The following MAGI3 variants were observed in gnomAD, a reference collection of about 807,000 sequenced individuals.
The protein encoded by MAGI3 is membrane associated guanylate kinase, WW and PDZ domain containing 3, also known as membrane-associated guanylate kinase, WW and PDZ domain-containing protein 3.
A neutral mutation model predicts 121.8 loss-of-function variants in MAGI3; 43 were observed. That is an observed-to-expected ratio of 0.35 (90% CI 0.28 to 0.46). The LOEUF is 0.46. Among genes scored for constraint, MAGI3 ranks in the 20% least tolerant of loss-of-function variants. MAGI3 has a pLI of 1.00. For missense variants in MAGI3, 1,547 were observed against 1,797.3 expected (o/e 0.86, Z 2.52); for synonymous variants, 553 against 639.3 (o/e 0.86, Z 2.04).
intron 1 of MAGI3, among the ~76,000 whole-genome samples, chr1:113,436,684 C>A (rs1653580592): frequency 6.6e-6 from 1 of 151,154 alleles, no homozygotes; most frequent in South Asian, 2.1e-4. Flanking sequence ...GAATAAACAT[C>A]ATTTTTTTTT....
chr1:113,495,850 C>A (rs912892151), intron 1 of MAGI3, among the ~76,000 whole-genome samples: 3 of 152,334 alleles, frequency 2.0e-5, no homozygotes, highest in East Asian at 3.9e-4. Flanking sequence ...AGAAGCACAA[C>A]AGCTCAGCTA....
chr1:113,434,659 T>C (rs1032525332), intron 1 of MAGI3, among the ~76,000 whole-genome samples: 1 of 152,304 alleles, frequency 6.6e-6, no homozygotes, highest in South Asian at 2.1e-4. Flanking sequence ...CTGGTTAATG[T>C]TGAATTGTGA....
chr1:113,507,415 GA>G, intron 1 of MAGI3, among the ~76,000 whole-genome samples: 1 of 152,216 alleles, frequency 6.6e-6, no homozygotes, highest in Middle Eastern at 3.4e-3. Flanking sequence ...ACATGGTATT[GA>G]AAAACGGTAA....
intron 1 of MAGI3, among the ~76,000 whole-genome samples, chr1:113,439,791 G>A (rs1653821391): frequency 6.6e-6 from 1 of 152,114 alleles, no homozygotes; most frequent in Admixed American, 6.5e-5. Context: ...ATCATAATTA[G>A]TATATATTTT....
At chr1:113,617,963 T>A (rs944614245) in intron 7 of MAGI3, among the ~76,000 whole-genome samples, 5 of 152,196 alleles carry the variant, frequency 3.3e-5, no homozygotes, top group African/African-American at 1.2e-4. Flanking sequence ...AACTATTTAA[T>A]AAGTAACTAC....
chr1:113,402,700 C>T (rs569995799), intron 1 of MAGI3, among the ~76,000 whole-genome samples: 9 of 151,990 alleles, frequency 5.9e-5, no homozygotes, highest in Non-Finnish European at 1.3e-4. Flanking sequence ...GGGAGATGAA[C>T]TGTCAAGGAT....
intron 1 of MAGI3, among the ~76,000 whole-genome samples, chr1:113,507,468 C>T (rs767365441): frequency 2.6e-5 from 4 of 152,098 alleles, no homozygotes; most frequent in Non-Finnish European, 5.9e-5. Flanking sequence ...AAAATTTTGG[C>T]GTCTGTAAAT....
At chr1:113,579,602 G>GC (rs1647878708) in intron 2 of MAGI3, among the ~76,000 whole-genome samples, 1 of 152,158 alleles carries the variant, frequency 6.6e-6, no homozygotes, top group Non-Finnish European at 1.5e-5. Flanking sequence ...GTCACTGACT[G>GC]CAGTGACTAG....
chr1:113,412,119 A>G (rs755788014), intron 1 of MAGI3, among the ~76,000 whole-genome samples: 4 of 146,958 alleles, frequency 2.7e-5, no homozygotes, highest in Non-Finnish European at 5.9e-5. Flanking sequence ...GAGAACATGC[A>G]GTGTTTGGTT....
In MAGI3 at chr1:113,640,999, T is replaced by TATATATAATATATATGATATATG. The variant is rs1557868739; in HGVS notation, c.1361-890_1361-889insGATATATAATATATATGATATAT. Among the ~76,000 whole-genome samples, 5 of 59,312 alleles carry TATATATAATATATATGATATATG rather than the reference T, an allele frequency of 8.4e-5. 1 individual carries two copies. The highest frequency in any genetic ancestry group is 2.3e-4 in the East Asian group (1 of 4,278). The allele number at this position is 59,312 out of a possible 152,430, so 38.9% of individuals were successfully genotyped here. A position where few individuals can be genotyped will look rare whatever the true frequency, so the allele number is the denominator to read the frequency against. Reference sequence around the variant, plus strand: ...TATAATATATATACACTATATATGATATATATAATATATATGATATATAAT... The same window carrying TATATATAATATATATGATATATG: ...TATAATATATATACACTATATATGATATATATAATATATATGATATATGATATATAATATATATGATATATAAT... On this transcript the variant is annotated intron_variant, in intron 9 of 20. Coordinates refer to ENST00000307546, the MANE Select transcript of MAGI3 (RefSeq NM_001142782.2).
intron 1 of MAGI3, among the ~76,000 whole-genome samples, chr1:113,471,879 A>G (rs1027876778): frequency 2.0e-5 from 3 of 152,172 alleles, no homozygotes; most frequent in African/African-American, 7.2e-5. Flanking sequence ...CTTCATGACT[A>G]TATTGCATTG....
Position 113,659,252 on chromosome 1 carries a change from C to T in MAGI3, c.2802C>T (p.Val934=). Residue 934 remains valine (V), a synonymous_variant, in exon 16 of 21, where the codon GTC becomes GTT. Coordinates refer to ENST00000307546, the MANE Select transcript of MAGI3 (RefSeq NM_001142782.2). Reference sequence around the variant, plus strand: ...CTGGTGTCACCGTCACACTAACGGTCATTGCTGAAGAAGGTAAGGAGCCAG... The same window carrying T: ...CTGGTGTCACCGTCACACTAACGGTTATTGCTGAAGAAGGTAAGGAGCCAG... ...KDAGVTVTLT[V]IAEEEHHGPP... The T allele has an allele frequency of 6.2e-7, 1 of 1,613,402 alleles. No homozygotes were observed.
At chr1:113,642,840 C>T in intron 10 of MAGI3, among the ~76,000 whole-genome samples, 1 of 152,170 alleles carries the variant, frequency 6.6e-6, no homozygotes, top group East Asian at 1.9e-4. Flanking sequence ...AATTTCATTT[C>T]TCTGTTGATG....
chr1:113,651,801 T>C (rs960774342), intron 14 of MAGI3, among the ~76,000 whole-genome samples: 2 of 152,202 alleles, frequency 1.3e-5, no homozygotes, highest in East Asian at 1.9e-4. Flanking sequence ...TAAATTTGTT[T>C]TGTTTTTTTT....
rs1023387379 is a variant in MAGI3, at chr1:113,516,402, A to T, written c.317-33113A>T. On this transcript the variant is annotated intron_variant, in intron 1 of 20. Coordinates refer to ENST00000307546, the MANE Select transcript of MAGI3 (RefSeq NM_001142782.2). Reference sequence around the variant, plus strand: ...AAGGAAGTTCTCACAAAAAAAAAAAAAAAAAAAAAAAAGACAAAAATCCCC... The same window carrying T: ...AAGGAAGTTCTCACAAAAAAAAAAATAAAAAAAAAAAAGACAAAAATCCCC... Among the ~76,000 whole-genome samples the T allele has an allele frequency of 2.1e-3, 322 of 150,706 alleles. 2 individuals are homozygous for T. Among genetic ancestry groups the T allele is most frequent in the African/African-American group, 7.5e-3 (308 of 41,296 alleles).
chr1:113,650,981 T>G (rs757849872), intron 13 of MAGI3, 33 bp from the exon 14 acceptor site: 16 of 1,589,916 alleles, frequency 1.0e-5, no homozygotes, highest in Non-Finnish European at 1.2e-5. Flanking sequence ...AACTTTACAC[T>G]GTGGACCAAA....
rs539237054 is a variant in MAGI3, at chr1:113,422,400, T to C, written c.316+31051T>C. On this transcript the variant is annotated intron_variant, in intron 1 of 20. Transcript: ENST00000307546. This position sits in a 1 kb window ranked among gnomAD's most constrained non-coding sequence, Gnocchi z 4.3. ...CCTCTACTTGAGTTTTGCTCGCACC[T>C]GCTGGGCTCGTTCTGCCCACTTGGC... Among the ~76,000 whole-genome samples the C allele has an allele frequency of 1.3e-5, 2 of 152,376 alleles. No homozygotes were observed. The highest frequency in any genetic ancestry group is 4.1e-4 in the South Asian group (2 of 4,830).
intron 1 of MAGI3, among the ~76,000 whole-genome samples, chr1:113,504,187 A>G (rs940276908): frequency 2.0e-5 from 3 of 152,098 alleles, no homozygotes; most frequent in African/African-American, 7.2e-5. Flanking sequence ...TTGATTAAAC[A>G]GGAAATCTAG....
intron 1 of MAGI3, among the ~76,000 whole-genome samples, chr1:113,405,474 CAAAAAAA>C (rs5777158): frequency 1.3e-4 from 7 of 54,326 alleles, no homozygotes; most frequent in East Asian, 1.1e-3. Context: ...GAAACTGTCT[CAAAAAAA>C]AAAAAAAAAA....
Sources: allele counts gnomAD v4.1 joint callset (sites outside exome capture counted in the v4.1 genomes callset), GRCh38; gene constraint gnomAD v4.1.1; non-coding constraint Gnocchi (gnomAD v3.1); transcripts MANE v1.5; gene names NCBI Gene and HGNC (gene_info 2026-07-23, HGNC 2026-07-21).